The following SEMA6D variants were observed in gnomAD, a reference collection of about 807,000 sequenced individuals.
SEMA6D encodes semaphorin 6D, also known as semaphorin-6D.
In SEMA6D, 35 loss-of-function variants were observed where a neutral mutation model predicts 106.6. The ratio of observed to expected loss-of-function variants is 0.33; its 90% CI spans 0.25 to 0.44. SEMA6D has a LOEUF of 0.44. Ranked by LOEUF, SEMA6D falls within the 20% of genes least tolerant of loss-of-function variation. SEMA6D has a pLI of 1.00. For synonymous variants in SEMA6D, 499 were observed against 487.7 expected, an observed-to-expected ratio of 1.02 and a Z score of -0.31; for missense variants, 1,185 against 1,345.9, an observed-to-expected ratio of 0.88 and a Z score of 1.87.
chr15:47,600,744 A>G (rs2076636579), intron 3 of SEMA6D: 1 of 152,172 alleles, frequency 6.6e-6, no homozygotes. Context: ...AAATTAGAGA[A>G]TGACAATCTG....
Position 47,207,993 on chromosome 15 carries a change from G to GCGCACACACA in SEMA6D, c.-239+23576_-239+23577insGCACACACAC, listed in dbSNP as rs1424944556. Among the ~76,000 whole-genome samples, 466 of 89,372 alleles carry GCGCACACACA rather than the reference G, an allele frequency of 5.2e-3. 2 individuals are homozygous for GCGCACACACA. Among genetic ancestry groups the GCGCACACACA allele is most frequent in the Admixed American group, 6.7e-3 (54 of 8,066 alleles). The allele number at this position is 89,372 out of a possible 152,430, so 58.6% of individuals were successfully genotyped here. A position where few individuals can be genotyped will look rare whatever the true frequency, so the allele number is the denominator to read the frequency against. On this transcript the variant is annotated intron_variant, in intron 1 of 19. Coordinates refer to the SEMA6D transcript ENST00000558014. The stretch of plus-strand genomic sequence containing the variant: ...AGGTACAGTAGCCACTGGCGCGCGC[G>GCGCACACACA]CACACACACACACACACACACACAC...
At chr15:47,220,178 A>C (rs767531180) in intron 1 of SEMA6D, among the ~76,000 whole-genome samples, 2 of 152,186 alleles carry the variant, frequency 1.3e-5, no homozygotes, top group African/African-American at 2.4e-5. Flanking sequence ...TACAGAGAGG[A>C]GCTGCAAAGC....
intron 2 of SEMA6D, among the ~76,000 whole-genome samples, chr15:47,467,221 C>G (rs1327023846): frequency 6.6e-6 from 1 of 152,008 alleles, no homozygotes; most frequent in Non-Finnish European, 1.5e-5. Context: ...TTGTGCCCTC[C>G]CTGCTACAAG....
chr15:47,578,671 G>A (rs2076201342), intron 3 of SEMA6D, among the ~76,000 whole-genome samples: 2 of 152,266 alleles, frequency 1.3e-5, no homozygotes, highest in South Asian at 4.1e-4. Flanking sequence ...TATGGCACAT[G>A]TGGACTCCAT....
chr15:47,338,724 A>G (rs974185950), intron 1 of SEMA6D, among the ~76,000 whole-genome samples: 1 of 152,122 alleles, frequency 6.6e-6, no homozygotes, highest in Non-Finnish European at 1.5e-5. Flanking sequence ...TCCATGTTCA[A>G]AAACCAAGGG....
At chr15:47,351,297 C>G (rs1008825721) in intron 1 of SEMA6D, among the ~76,000 whole-genome samples, 1 of 152,084 alleles carries the variant, frequency 6.6e-6, no homozygotes, top group Non-Finnish European at 1.5e-5. Context: ...CTGTTTTTAC[C>G]ACTACTTATT....
chr15:47,259,184 A>C (rs1255342507), intron 1 of SEMA6D, among the ~76,000 whole-genome samples: 3 of 152,188 alleles, frequency 2.0e-5, no homozygotes, highest in Non-Finnish European at 2.9e-5. Flanking sequence ...CAGTCATCAA[A>C]TCTGATTTAC....
intron 4 of SEMA6D, among the ~76,000 whole-genome samples, chr15:47,616,434 T>A (rs2077007844): frequency 6.6e-6 from 1 of 152,120 alleles, no homozygotes; most frequent in South Asian, 2.1e-4. Flanking sequence ...CCTCCCAAAG[T>A]GCTGGAATTA....
At chr15:47,508,934 T>G (rs1284230121) in intron 3 of SEMA6D, among the ~76,000 whole-genome samples, 1 of 152,238 alleles carries the variant, frequency 6.6e-6, no homozygotes, top group African/African-American at 2.4e-5. Context: ...CCTGGCACTA[T>G]ATTTCTGCTG....
At chr15:47,287,252 A>G (rs903437159) in intron 1 of SEMA6D, among the ~76,000 whole-genome samples, 1 of 152,200 alleles carries the variant, frequency 6.6e-6, no homozygotes, top group African/African-American at 2.4e-5. Flanking sequence ...CCTGCACTGG[A>G]CATGTAGTAA....
At position 47,768,669 on chromosome 15, in the gene SEMA6D, G is replaced by A; in HGVS notation, c.1854G>A (p.Leu618=). 1 of 1,613,674 alleles carries A rather than the reference G, an allele frequency of 6.2e-7. No homozygotes were observed. The highest frequency in any genetic ancestry group is 8.5e-7 in the Non-Finnish European group (1 of 1,179,682). The change falls in exon 18 of 19, where the codon CTG becomes CTA. Residue 618 remains leucine, a synonymous_variant. Transcript: ENST00000536845. ...PKVIDTWRPK[L]TSSRKFVVQD... is the part of the protein sequence containing the mutation. ...TGATTGATACCTGGAGACCTAAACT[G>A]ACAAGCTCTCGGAAATTTGTAGTTC...
intron 3 of SEMA6D, among the ~76,000 whole-genome samples, chr15:47,493,937 C>A (rs1174697915): frequency 6.6e-6 from 1 of 152,106 alleles, no homozygotes; most frequent in Non-Finnish European, 1.5e-5. Context: ...TGAATAAAAT[C>A]TGCAGTGGAC....
chr15:47,758,143 C>T (rs373984356), intron 1 of SEMA6D, among the ~76,000 whole-genome samples: 1 of 151,990 alleles, frequency 6.6e-6, no homozygotes, highest in African/African-American at 2.4e-5. Context: ...TGATCATCCA[C>T]GAAAAAAACT....
At chr15:47,534,893 T>G (rs1243659510) in intron 3 of SEMA6D, among the ~76,000 whole-genome samples, 12 of 151,854 alleles carry the variant, frequency 7.9e-5, no homozygotes, top group Non-Finnish European at 1.6e-4. Flanking sequence ...TGCCACTTTG[T>G]TCTATATATA....
At chr15:47,248,940 G>T (rs947635023) in intron 1 of SEMA6D, among the ~76,000 whole-genome samples, 6 of 152,096 alleles carry the variant, frequency 3.9e-5, no homozygotes, top group Non-Finnish European at 7.4e-5. Context: ...AGTTAACAGT[G>T]GACTAGGCCA....
At chr15:47,443,302 T>G (rs920022768) in intron 2 of SEMA6D, among the ~76,000 whole-genome samples, 1 of 152,118 alleles carries the variant, frequency 6.6e-6, no homozygotes, top group Non-Finnish European at 1.5e-5. Flanking sequence ...TTGAAATGAC[T>G]TTTGAGGCTA....
intron 3 of SEMA6D, among the ~76,000 whole-genome samples, chr15:47,552,910 A>G (rs1185075801): frequency 1.8e-5 from 2 of 109,922 alleles, no homozygotes; most frequent in African/African-American, 7.3e-5. Context: ...ATATATAAAT[A>G]TATATATATT....
At chr15:47,377,103 T>C (rs764319113) in intron 1 of SEMA6D, among the ~76,000 whole-genome samples, 46 of 152,208 alleles carry the variant, frequency 3.0e-4, no homozygotes, top group Non-Finnish European at 1.3e-4. Flanking sequence ...CAGAATACAA[T>C]TGTAAATAAT....
At chr15:47,385,043 TAA>T (rs1452324971) in intron 1 of SEMA6D, among the ~76,000 whole-genome samples, 5 of 142,200 alleles carry the variant, frequency 3.5e-5, no homozygotes, top group Admixed American at 7.0e-5. Context: ...AGCTGGACTG[TAA>T]TTTTTTTTTT....
Sources: allele counts gnomAD v4.1 joint callset (sites outside exome capture counted in the v4.1 genomes callset), GRCh38; gene constraint gnomAD v4.1.1; transcripts MANE v1.5; gene names NCBI Gene and HGNC (gene_info 2026-07-23, HGNC 2026-07-21).